The following ASIC2 variants were observed in gnomAD, a reference collection of about 807,000 sequenced individuals.
ASIC2 encodes acid-sensing ion channel 2.
Under a neutral mutation model 57.3 loss-of-function variants are expected in ASIC2, and 25 were observed. The observed-to-expected ratio is 0.44, with a 90% CI of 0.32 to 0.61. ASIC2 has a LOEUF of 0.61. Ranked by LOEUF, ASIC2 falls within the 20% of genes least tolerant of loss-of-function variation. The pLI is 0.06. For synonymous variants in ASIC2, 319 were observed against 307.5 expected, an observed-to-expected ratio of 1.04 and a Z score of -0.39; for missense variants, 641 against 738.1, an observed-to-expected ratio of 0.87 and a Z score of 1.52.
At chr17:34,001,189 G>A (rs1360519739) in intron 1 of ASIC2, 1 of 152,162 alleles carries the variant, frequency 6.6e-6, no homozygotes, top group East Asian at 1.9e-4. Context: ...ATTTGATGAT[G>A]TAGGTACCTC....
chr17:33,962,511 C>T (rs1248534942), intron 1 of ASIC2, among the ~76,000 whole-genome samples: 3 of 152,164 alleles, frequency 2.0e-5, no homozygotes, highest in South Asian at 4.1e-4. Context: ...ATTCTAATGC[C>T]TTGTAAACTG....
At chr17:33,715,214 C>G (rs1470888715) in intron 1 of ASIC2, among the ~76,000 whole-genome samples, 1 of 152,018 alleles carries the variant, frequency 6.6e-6, no homozygotes, top group Admixed American at 6.6e-5. Flanking sequence ...GTTGCCCAGG[C>G]TGGTCTCCAA....
chr17:34,011,256 T>C (rs1376894440), intron 1 of ASIC2, among the ~76,000 whole-genome samples: 1 of 152,026 alleles, frequency 6.6e-6, no homozygotes, highest in Non-Finnish European at 1.5e-5. Context: ...GCCACACACA[T>C]AGACGCACAT....
At chr17:33,520,620 C>T (rs1481581891) in intron 1 of ASIC2, among the ~76,000 whole-genome samples, 1 of 152,200 alleles carries the variant, frequency 6.6e-6, no homozygotes, top group South Asian at 2.1e-4. Flanking sequence ...CACGAGAGGG[C>T]GGCAGTGAGC....
At chr17:33,085,415 C>T (rs952010004) in intron 3 of ASIC2, among the ~76,000 whole-genome samples, 2 of 152,190 alleles carry the variant, frequency 1.3e-5, no homozygotes, top group Admixed American at 6.5e-5. Context: ...TGCCTCTTAA[C>T]AATCAATGAA....
intron 1 of ASIC2, chr17:34,039,850 A>G: frequency 6.2e-7 from 1 of 1,605,980 alleles, no homozygotes; most frequent in Non-Finnish European, 8.5e-7. Flanking sequence ...TCGTGGGTCC[A>G]GGCTATGCAA....
intron 1 of ASIC2, among the ~76,000 whole-genome samples, chr17:33,144,375 G>A (rs1904464979): frequency 6.6e-6 from 1 of 152,014 alleles, no homozygotes; most frequent in Non-Finnish European, 1.5e-5. Context: ...GGAAGAGAAG[G>A]GGATGGGAAG....
chr17:33,474,105 G>A (rs778994945), intron 1 of ASIC2, among the ~76,000 whole-genome samples: 4 of 152,100 alleles, frequency 2.6e-5, no homozygotes, highest in Non-Finnish European at 5.9e-5. Flanking sequence ...GGTGGCTTAC[G>A]CCTGTAATCC....
At chr17:34,142,089 C>T (rs1250452452) in intron 1 of ASIC2, among the ~76,000 whole-genome samples, 1 of 152,160 alleles carries the variant, frequency 6.6e-6, no homozygotes, top group Non-Finnish European at 1.5e-5. Context: ...TCCAAGAAAG[C>T]CATCTTGGCC....
intron 1 of ASIC2, among the ~76,000 whole-genome samples, chr17:34,040,464 T>TG (rs1410986521): frequency 0.081 from 2,389 of 29,552 alleles, 77 homozygotes; most frequent in African/African-American, 0.18. Context: ...ACGAGGAAGG[T>TG]GGGGGGGGTC....
At chr17:34,035,091 G>A (rs1324130758) in intron 1 of ASIC2, among the ~76,000 whole-genome samples, 5 of 150,582 alleles carry the variant, frequency 3.3e-5, no homozygotes, top group East Asian at 1.9e-4. Flanking sequence ...GAGGCATCAC[G>A]CTACCTGACT....
intron 1 of ASIC2, among the ~76,000 whole-genome samples, chr17:33,338,779 A>G (rs909661511): frequency 6.6e-6 from 1 of 152,240 alleles, no homozygotes; most frequent in Non-Finnish European, 1.5e-5. Flanking sequence ...TAAAAAGACT[A>G]TAATATAGAT....
intron 1 of ASIC2, among the ~76,000 whole-genome samples, chr17:34,018,400 G>A (rs933622684): frequency 2.0e-5 from 3 of 152,320 alleles, no homozygotes; most frequent in African/African-American, 7.2e-5. Flanking sequence ...CGTACAAGGA[G>A]ATTGATGTTT....
chr17:34,125,694 G>C (rs1911759797), intron 1 of ASIC2, among the ~76,000 whole-genome samples: 1 of 152,186 alleles, frequency 6.6e-6, no homozygotes, highest in African/African-American at 2.4e-5. Flanking sequence ...TATAAAGGAG[G>C]AAGTTGAGGT....
At chr17:33,055,932 A>G (rs2091996244) in intron 3 of ASIC2, among the ~76,000 whole-genome samples, 1 of 152,236 alleles carries the variant, frequency 6.6e-6, no homozygotes, top group Non-Finnish European at 1.5e-5. Context: ...GAATACTTTT[A>G]TAAATCACAG....
intron 1 of ASIC2, among the ~76,000 whole-genome samples, chr17:34,083,278 T>C (rs1447778328): frequency 2.0e-5 from 3 of 151,016 alleles, no homozygotes; most frequent in Non-Finnish European, 2.9e-5. Flanking sequence ...CGGTGTTTGG[T>C]TTTTTGTTCT....
intron 1 of ASIC2, among the ~76,000 whole-genome samples, chr17:33,971,371 C>A (rs536116209): frequency 1.3e-5 from 2 of 152,248 alleles, no homozygotes; most frequent in South Asian, 2.1e-4. Context: ...ATATTTGGCA[C>A]CTGGAGAAGA....
chr17:34,015,522 A>G (rs10438805), intron 1 of ASIC2, among the ~76,000 whole-genome samples: 7,455 of 152,310 alleles, frequency 0.049, 613 homozygotes, highest in African/African-American at 0.17. Context: ...AGGCTCTGCT[A>G]CAGAGCATCT....
At chr17:33,367,084 A>G (rs552471997) in intron 1 of ASIC2, among the ~76,000 whole-genome samples, 7 of 152,234 alleles carry the variant, frequency 4.6e-5, no homozygotes, top group Non-Finnish European at 1.0e-4. Context: ...GCATCTTTGT[A>G]TGGTAATGAA....
Sources: gnomAD v4.1 joint callset for allele counts (sites outside exome capture counted in the v4.1 genomes callset) on GRCh38, gnomAD v4.1.1 for gene constraint, MANE v1.5 for transcripts, NCBI Gene and HGNC (gene_info 2026-07-23, HGNC 2026-07-21) for gene names.